NMT1: variants seen among roughly 807,000 people sequenced by gnomAD.
NMT1 encodes N-myristoyltransferase 1.
Under a neutral mutation model 63.4 loss-of-function variants are expected in NMT1, and 12 were observed. That is an observed-to-expected ratio of 0.19 (90% confidence interval 0.12 to 0.31). NMT1 has a LOEUF of 0.31. Ranked by LOEUF, NMT1 falls within the 10% of genes least tolerant of loss-of-function variation. The pLI is 1.00. For synonymous variants in NMT1, 228 were observed against 234.3 expected (o/e 0.97, Z 0.25); for missense variants, 432 against 634.6 (o/e 0.68, Z 3.43).
intron 6 of NMT1, 107 bp downstream of exon 6, chr17:45,097,351 G>A: frequency 5.6e-6 from 5 of 893,718 alleles, no homozygotes; most frequent in Non-Finnish European, 9.3e-6. Flanking sequence ...GAAGAGGGAA[G>A]GTCTCAGGAA....
At chr17:45,086,789 G>A (rs898605843) in intron 3 of NMT1, 137 bp downstream of exon 3, 7 of 907,934 alleles carry the variant, frequency 7.7e-6, no homozygotes, top group African/African-American at 3.4e-5. Flanking sequence ...GTTTTCAGAG[G>A]GTGGTTTTTA....
intron 1 of NMT1, among the ~76,000 whole-genome samples, chr17:45,063,771 C>T (rs759418626): frequency 8.5e-5 from 13 of 152,114 alleles, no homozygotes; most frequent in Non-Finnish European, 1.8e-4. Context: ...TGGCGTACGC[C>T]TATAGTCCCA....
At chr17:45,090,217 G>A (rs1023366260) in intron 3 of NMT1, among the ~76,000 whole-genome samples, 1 of 152,106 alleles carries the variant, frequency 6.6e-6, no homozygotes, top group Non-Finnish European at 1.5e-5. Flanking sequence ...CCTGGAGGTC[G>A]AGGCTGTAGT....
chr17:45,097,279 A>G (rs1361598047), intron 6 of NMT1, 35 bp downstream of exon 6: 2 of 1,410,482 alleles, frequency 1.4e-6, no homozygotes, highest in Admixed American at 3.4e-5. Context: ...CCCCCACAAC[A>G]CCGCCATCCT....
At chr17:45,102,010 G>A (rs1372176267) in intron 8 of NMT1, among the ~76,000 whole-genome samples, 5 of 152,238 alleles carry the variant, frequency 3.3e-5, no homozygotes, top group Non-Finnish European at 7.3e-5. Flanking sequence ...TGTCTGGGTG[G>A]AAACCCCAGC....
At chr17:45,062,215 C>T (rs532373357) in intron 1 of NMT1, among the ~76,000 whole-genome samples, 1 of 152,184 alleles carries the variant, frequency 6.6e-6, no homozygotes, top group Non-Finnish European at 1.5e-5. Flanking sequence ...CCATTAGTTA[C>T]TATTTGTTCC....
chr17:45,103,365 C>T lies in NMT1; in HGVS notation c.1164+244C>T, dbSNP rs2054180665. ...ACAAAATAGAGAGAACTGAGCCCCG[C>T]TTAATCCTTCAGGAAAGCCTGCAAT... On this transcript the variant is annotated intron_variant, in intron 9 of 11. Coordinates refer to ENST00000258960, the MANE Select transcript of NMT1 (RefSeq NM_021079.5). The surrounding 1 kb of genome is among the most constrained non-coding windows in gnomAD (Gnocchi z 4.8). 6.6e-6 allele frequency among the ~76,000 whole-genome samples: 1 copy of T among 152,212 alleles called. No homozygotes were observed.
At chr17:45,073,737 T>C (rs534958492) in intron 1 of NMT1, among the ~76,000 whole-genome samples, 1 of 152,308 alleles carries the variant, frequency 6.6e-6, no homozygotes, top group South Asian at 2.1e-4. Context: ...TGGGGGGAAA[T>C]GGCCCCAAGC....
chr17:45,079,658 ATGCACACG>A (rs1237687171), intron 1 of NMT1, among the ~76,000 whole-genome samples: 2 of 152,268 alleles, frequency 1.3e-5, no homozygotes, highest in Non-Finnish European at 2.9e-5. Flanking sequence ...ACGTGCACAC[ATGCACACG>A]TGCATACACA....
At chr17:45,081,555 A>G in intron 1 of NMT1, 89 bp from the exon 2 acceptor site, 2 of 1,131,758 alleles carry the variant, frequency 1.8e-6, no homozygotes, top group South Asian at 3.0e-5. Context: ...TGATTAAGGA[A>G]GGTCTGGCTC....
At chr17:45,083,117 C>T (rs963989096) in intron 2 of NMT1, among the ~76,000 whole-genome samples, 4 of 151,930 alleles carry the variant, frequency 2.6e-5, no homozygotes, top group Non-Finnish European at 4.4e-5. Flanking sequence ...GAATTTGAGA[C>T]CAGCCTGGCC....
At chr17:45,102,829 CG>C (rs1430589289) in intron 8 of NMT1, 121 bp from the exon 9 acceptor site, 3 of 826,636 alleles carry the variant, frequency 3.6e-6, no homozygotes, top group Non-Finnish European at 5.6e-6. Context: ...GAGATATGCA[CG>C]GGGGTGCAGG....
intron 8 of NMT1, chr17:45,099,842 C>T (rs2054149468): frequency 3.6e-6 from 1 of 281,428 alleles, no homozygotes; most frequent in Non-Finnish European, 7.0e-6. Flanking sequence ...AACCTTCATA[C>T]ACACGGCAGC....
chr17:45,101,938 G>T (rs74612531), intron 8 of NMT1, among the ~76,000 whole-genome samples: 2,408 of 152,308 alleles, frequency 0.016, 54 homozygotes, highest in South Asian at 0.07. Context: ...GTTCTAGGCC[G>T]GTGGGCAGGC....
chr17:45,095,722 T>C (rs372372154), intron 4 of NMT1, among the ~76,000 whole-genome samples: 58 of 152,208 alleles, frequency 3.8e-4, no homozygotes, highest in African/African-American at 1.3e-3. Context: ...CAGTGAGCCA[T>C]GATCACACCA....
Position 45,097,194 on chromosome 17 carries a change from A to G in NMT1, c.663A>G (p.Lys221=), listed in dbSNP as rs1259991653. ...GGGTTCGAGTGGTCTCAAGTCGGAAATTGGTTGGGTTCATTAGCGCCATCC... is the reference window on the plus strand; with the variant it reads ...GGGTTCGAGTGGTCTCAAGTCGGAAGTTGGTTGGGTTCATTAGCGCCATCC... ...HCGVRVVSSR[K]LVGFISAIPA... is the part of the protein sequence containing the mutation. The change falls in exon 6 of 12, where the codon AAA becomes AAG. Residue 221 remains lysine (K), a synonymous_variant. Coordinates refer to ENST00000258960, the MANE Select transcript of NMT1 (RefSeq NM_021079.5). The G allele has an allele frequency of 6.2e-7, 1 of 1,614,030 alleles. No homozygotes were observed. Among genetic ancestry groups the G allele is most frequent in the Non-Finnish European group, 8.5e-7 (1 of 1,180,016 alleles).
chr17:45,099,529 G>C lies in NMT1; in HGVS notation c.993+16G>C. The C allele has an allele frequency of 6.3e-7, 1 of 1,578,974 alleles. No individual in the cohort carries two copies. Among genetic ancestry groups the C allele is most frequent in the Non-Finnish European group, 8.7e-7 (1 of 1,147,834 alleles). On this transcript the variant is annotated intron_variant, in intron 8 of 11. Transcript: ENST00000258960. ...ACTGCCAGAGGCCAGTGCTGCCCCG[G>C]GTGGTGGGCAGGGGGCAGAGAGAGG...
At chr17:45,091,056 CCTTTTCAGTGTTTCCTGTAGCT>C (rs1441707232) in intron 3 of NMT1, among the ~76,000 whole-genome samples, 1 of 152,114 alleles carries the variant, frequency 6.6e-6, no homozygotes, top group Non-Finnish European at 1.5e-5. Flanking sequence ...GTGGCTGCTC[CCTTTTCAGTGTTTCCTGTAGCT>C]CTACTTTTTC....
At position 45,103,759 on chromosome 17, in the gene NMT1, C is replaced by T; in HGVS notation, c.1215C>T (p.Ser405=). The T allele has an allele frequency of 6.2e-7, 1 of 1,614,172 alleles. No individual in the cohort carries two copies. The highest frequency in any genetic ancestry group is 8.5e-7 in the Non-Finnish European group (1 of 1,180,020). Residue 405 remains serine (S), a synonymous_variant, in exon 10 of 12, where the codon TCC becomes TCT. Transcript: ENST00000258960. The surrounding 1 kb of genome is among the most constrained non-coding windows in gnomAD (Gnocchi z 4.8). ...TCCTGAGCTTTTATACGCTGCCCTC[C>T]ACCATCATGAACCATCCAACCCACA... ...TDFLSFYTLP[S]TIMNHPTHKS...
Sources: allele counts gnomAD v4.1 joint callset (sites outside exome capture counted in the v4.1 genomes callset), GRCh38; gene constraint gnomAD v4.1.1; non-coding constraint Gnocchi (gnomAD v3.1); transcripts MANE v1.5; gene names NCBI Gene and HGNC (gene_info 2026-07-23, HGNC 2026-07-21).